SLC35F1: variants seen among roughly 807,000 people sequenced by gnomAD.
The protein encoded by SLC35F1 is solute carrier family 35 member F1, also known as chromosome 6 open reading frame 169.
SLC35F1 carries 14 observed loss-of-function variants against 48.7 expected under a neutral mutation model. That is an observed-to-expected ratio of 0.29 (90% CI 0.19 to 0.45). The LOEUF (loss-of-function observed/expected upper bound fraction) is 0.45. Among genes scored for constraint, SLC35F1 ranks in the 20% least tolerant of loss-of-function variants. The pLI is 1.00. For missense variants in SLC35F1, 404 were observed against 500.0 expected, an observed-to-expected ratio of 0.81 and a Z score of 1.83; for synonymous variants, 190 against 202.2, an observed-to-expected ratio of 0.94 and a Z score of 0.51.
intron 2 of SLC35F1, among the ~76,000 whole-genome samples, chr6:118,229,636 G>A (rs547780558): frequency 6.6e-6 from 1 of 152,324 alleles, no homozygotes; most frequent in Admixed American, 6.5e-5. Context: ...ACTGGTTTAT[G>A]TATGTGATCT....
At chr6:117,994,488 T>C (rs7748073) in intron 1 of SLC35F1, among the ~76,000 whole-genome samples, 4 of 152,220 alleles carry the variant, frequency 2.6e-5, no homozygotes, top group African/African-American at 9.6e-5. Context: ...ACAGCTTTCA[T>C]AGACCTCCTC....
At chr6:118,001,781 G>C (rs528488080) in intron 1 of SLC35F1, among the ~76,000 whole-genome samples, 1 of 152,052 alleles carries the variant, frequency 6.6e-6, no homozygotes, top group Non-Finnish European at 1.5e-5. Context: ...CCATCAAAAA[G>C]TGGGCGAAGG....
chr6:118,257,164 C>A (rs1010051655), intron 3 of SLC35F1, among the ~76,000 whole-genome samples: 1 of 147,920 alleles, frequency 6.8e-6, no homozygotes, highest in African/African-American at 2.6e-5. Flanking sequence ...AAAACTGTCT[C>A]TCTCTCTCTC....
At chr6:118,173,557 AC>A (rs1296229597) in intron 2 of SLC35F1, among the ~76,000 whole-genome samples, 2 of 152,158 alleles carry the variant, frequency 1.3e-5, no homozygotes, top group Non-Finnish European at 1.5e-5. Flanking sequence ...CATGTGATAT[AC>A]CACACACTAT....
chr6:118,108,102 G>C (rs1773350070), intron 1 of SLC35F1, among the ~76,000 whole-genome samples: 1 of 152,060 alleles, frequency 6.6e-6, no homozygotes, highest in South Asian at 2.1e-4. Context: ...GAGATTGATA[G>C]TCTATGTCTA....
At chr6:118,057,003 GAAATT>G (rs1291318547) in intron 1 of SLC35F1, among the ~76,000 whole-genome samples, 1 of 151,968 alleles carries the variant, frequency 6.6e-6, no homozygotes, top group African/African-American at 2.4e-5. Context: ...AGGATAGTAA[GAAATT>G]AAAGGTGAAA....
chr6:118,170,447 T>G (rs1404623039), intron 2 of SLC35F1, among the ~76,000 whole-genome samples: 1 of 152,186 alleles, frequency 6.6e-6, no homozygotes, highest in Non-Finnish European at 1.5e-5. Flanking sequence ...ATTTTCTTTT[T>G]ATTTTTCTTT....
chr6:117,924,095 AGGTACACATG>A (rs1775986075), intron 1 of SLC35F1, among the ~76,000 whole-genome samples: 2 of 148,860 alleles, frequency 1.3e-5, no homozygotes, highest in Non-Finnish European at 3.0e-5. Context: ...ATACACACAT[AGGTACACATG>A]CATATGTATA....
At chr6:118,100,395 TC>T (rs1167315811) in intron 1 of SLC35F1, among the ~76,000 whole-genome samples, 2 of 152,040 alleles carry the variant, frequency 1.3e-5, no homozygotes, top group Non-Finnish European at 2.9e-5. Context: ...TTGAGAGGTC[TC>T]CAAGGCTACC....
At position 118,316,737 on chromosome 6, in the gene SLC35F1, G is replaced by T. The variant is rs1012531445; in HGVS notation, c.*2485G>T. 2.6e-5 allele frequency: 4 copies of T among 152,124 alleles called. No individual in the cohort carries two copies. Among genetic ancestry groups the T allele is most frequent in the African/African-American group, 7.2e-5 (3 of 41,418 alleles). 9.4% of individuals were successfully genotyped at this position (152,124 alleles called of 1,614,324 possible). A position where few individuals can be genotyped will look rare whatever the true frequency, so the allele number is the denominator to read the frequency against. On this transcript the variant is annotated 3_prime_UTR_variant, in exon 8 of 8. Coordinates refer to ENST00000360388, the MANE Select transcript of SLC35F1 (RefSeq NM_001029858.4). ...ATAGGATATTTTAATTGACTCCATTGTATGGAAACCAAGTGTGAATGTTAA... is the reference window on the plus strand; with the variant it reads ...ATAGGATATTTTAATTGACTCCATTTTATGGAAACCAAGTGTGAATGTTAA...
intron 1 of SLC35F1, among the ~76,000 whole-genome samples, chr6:118,110,064 C>G (rs1773377717): frequency 6.6e-6 from 1 of 152,098 alleles, no homozygotes; most frequent in Non-Finnish European, 1.5e-5. Context: ...AGAGTCAGTG[C>G]TCTTAAAATG....
chr6:118,204,807 A>T (rs1245772298), intron 2 of SLC35F1, among the ~76,000 whole-genome samples: 1 of 152,182 alleles, frequency 6.6e-6, no homozygotes, highest in Non-Finnish European at 1.5e-5. Context: ...AACCTCTATT[A>T]GTCTACTTTC....
At chr6:117,987,140 A>G (rs1326642234) in intron 1 of SLC35F1, among the ~76,000 whole-genome samples, 1 of 152,214 alleles carries the variant, frequency 6.6e-6, no homozygotes, top group Non-Finnish European at 1.5e-5. Flanking sequence ...CACCTTTGCC[A>G]TAAATCAGGC....
chr6:117,993,692 A>G (rs1054348458), intron 1 of SLC35F1, among the ~76,000 whole-genome samples: 4 of 152,146 alleles, frequency 2.6e-5, no homozygotes, highest in African/African-American at 9.7e-5. Context: ...AAATCTGAGC[A>G]GTCTTACTCT....
intron 4 of SLC35F1, among the ~76,000 whole-genome samples, chr6:118,274,354 C>T (rs528070525): frequency 6.6e-6 from 1 of 152,268 alleles, no homozygotes; most frequent in South Asian, 2.1e-4. Flanking sequence ...CTGGGTAAAG[C>T]ATTTATTTTG....
chr6:118,247,552 T>C (rs1383539925), intron 3 of SLC35F1, among the ~76,000 whole-genome samples: 1 of 152,228 alleles, frequency 6.6e-6, no homozygotes, highest in East Asian at 1.9e-4. Flanking sequence ...ATATTTTTAA[T>C]ATACTGGGAA....
At chr6:117,968,377 C>A (rs1021484558) in intron 1 of SLC35F1, among the ~76,000 whole-genome samples, 4 of 152,032 alleles carry the variant, frequency 2.6e-5, no homozygotes, top group Admixed American at 6.6e-5. Flanking sequence ...AGGAATCGTA[C>A]CATTTCAGGG....
At chr6:118,038,724 T>C (rs930538089) in intron 1 of SLC35F1, among the ~76,000 whole-genome samples, 1 of 152,000 alleles carries the variant, frequency 6.6e-6, no homozygotes, top group African/African-American at 2.4e-5. Flanking sequence ...TGGAGTCAAG[T>C]GTGTCTTCTG....
In SLC35F1 at chr6:118,064,807, C is replaced by G. The variant is rs111801092; in HGVS notation, c.174-89638C>G. On this transcript the variant is annotated intron_variant, in intron 1 of 7. Transcript: ENST00000360388. The stretch of plus-strand genomic sequence containing the variant: ...TTATCTGTGGTCATGCCTTTTCTCT[C>G]TCTCTGACTGCTAAGGGCTGTTATT... Among the ~76,000 whole-genome samples the G allele has an allele frequency of 9.0e-3, 1,368 of 152,284 alleles. 11 individuals are homozygous for G. Among genetic ancestry groups the G allele is most frequent in the Non-Finnish European group, 0.015 (999 of 68,012 alleles).
Sources: gnomAD v4.1 joint callset for allele counts (sites outside exome capture counted in the v4.1 genomes callset) on GRCh38, gnomAD v4.1.1 for gene constraint, MANE v1.5 for transcripts, NCBI Gene and HGNC (gene_info 2026-07-23, HGNC 2026-07-21) for gene names.